Variants in VCAN observed in about 807,000 individuals in gnomAD.
VCAN encodes versican, also known as versican core protein.
VCAN carries 44 observed loss-of-function variants against 245.5 expected under a neutral mutation model. The ratio of observed to expected loss-of-function variants is 0.18; its 90% CI spans 0.14 to 0.23. VCAN has a LOEUF of 0.23. Among genes scored for constraint, VCAN ranks in the 10% least tolerant of loss-of-function variants. The probability of loss-of-function intolerance (pLI) is 1.00; values close to 1 mark genes in which losing one functional copy is unlikely to be tolerated. For synonymous variants in VCAN, 1,413 were observed against 1,437.0 expected, an observed-to-expected ratio of 0.98 and a Z score of 0.38; for missense variants, 3,793 against 4,057.9, an observed-to-expected ratio of 0.93 and a Z score of 1.77.
intron 1 of VCAN, among the ~76,000 whole-genome samples, chr5:83,483,074 T>C (rs1744665791): frequency 6.6e-6 from 1 of 152,242 alleles, no homozygotes; most frequent in Admixed American, 6.5e-5. Context: ...TCTTTCTCTA[T>C]TGCTCCCCAT....
intron 7 of VCAN, among the ~76,000 whole-genome samples, chr5:83,522,948 T>G (rs1746163322): frequency 6.6e-6 from 1 of 152,224 alleles, no homozygotes; most frequent in Non-Finnish European, 1.5e-5. Flanking sequence ...GTAGGGAGTA[T>G]TACAGTTTAT....
At chr5:83,491,000 G>A (rs762984272) in intron 3 of VCAN, among the ~76,000 whole-genome samples, 8 of 151,796 alleles carry the variant, frequency 5.3e-5, no homozygotes, top group Admixed American at 5.3e-4. Flanking sequence ...TAAAAACCAT[G>A]GTACATATCA....
intron 5 of VCAN, among the ~76,000 whole-genome samples, chr5:83,500,900 T>C (rs949535505): frequency 3.9e-5 from 6 of 152,204 alleles, no homozygotes; most frequent in African/African-American, 1.4e-4. Flanking sequence ...TGTTTTTCAA[T>C]GTGGCTGTAC....
chr5:83,503,004 C>T (rs973089382), intron 5 of VCAN, among the ~76,000 whole-genome samples: 3 of 152,046 alleles, frequency 2.0e-5, no homozygotes, highest in Non-Finnish European at 4.4e-5. Flanking sequence ...GAAGATTGGC[C>T]TTTGTGCAGG....
chr5:83,476,782 A>G (rs1744408965), intron 1 of VCAN, among the ~76,000 whole-genome samples: 1 of 152,106 alleles, frequency 6.6e-6, no homozygotes, highest in African/African-American at 2.4e-5. Flanking sequence ...AGAGGTCAGT[A>G]CAGAGAATCT....
chr5:83,551,576 G>A (rs1162856055), intron 10 of VCAN, among the ~76,000 whole-genome samples: 2 of 152,014 alleles, frequency 1.3e-5, no homozygotes, highest in Non-Finnish European at 2.9e-5. Context: ...TGGGTTAATA[G>A]CAGATAAAAA....
chr5:83,518,646 A>G (rs575835128), intron 6 of VCAN, among the ~76,000 whole-genome samples: 44 of 152,130 alleles, frequency 2.9e-4, no homozygotes, highest in Admixed American at 3.9e-4. Context: ...GGCACATTTT[A>G]TAATTTATTA....
At chr5:83,511,164 C>T (rs1335030487) in intron 5 of VCAN, among the ~76,000 whole-genome samples, 1 of 148,896 alleles carries the variant, frequency 6.7e-6, no homozygotes, top group Non-Finnish European at 1.5e-5. Flanking sequence ...TTTTTCGAGA[C>T]GGAGTCTCGC....
At position 83,532,309 on chromosome 5, in the gene VCAN, G is replaced by A. The variant is rs890958497; in HGVS notation, c.4004-4698G>A. Among the ~76,000 whole-genome samples, 8 of 152,082 alleles carry A rather than the reference G, an allele frequency of 5.3e-5. No individual in the cohort carries two copies. In the East Asian group the frequency reaches 1.5e-3, roughly 29 times the overall value. The stretch of plus-strand genomic sequence containing the variant: ...TCAGAGGAAGAATAAACTAAGAGGG[G>A]GCAAGTAGGATTTGGTGAGATGCAA... On this transcript the variant is annotated intron_variant, in intron 7 of 14. Transcript: ENST00000265077.
intron 1 of VCAN, among the ~76,000 whole-genome samples, chr5:83,476,176 C>G (rs989764342): frequency 6.6e-6 from 1 of 152,206 alleles, no homozygotes; most frequent in African/African-American, 2.4e-5. Flanking sequence ...TGATTGGTCA[C>G]TTAATTGAGT....
At chr5:83,566,568 C>T (rs1388515189) in intron 12 of VCAN, among the ~76,000 whole-genome samples, 2 of 152,084 alleles carry the variant, frequency 1.3e-5, no homozygotes, top group Non-Finnish European at 2.9e-5. Context: ...GAGACCTCTC[C>T]CCACCCACCA....
chr5:83,522,411 A>G, intron 7 of VCAN, 102 bp downstream of exon 7: 1 of 1,239,454 alleles, frequency 8.1e-7, no homozygotes, highest in South Asian at 1.3e-5. Flanking sequence ...CTGCTATTAG[A>G]AGATAACTGG....
At chr5:83,509,190 CAAAT>C (rs1471504533) in intron 5 of VCAN, among the ~76,000 whole-genome samples, 1 of 152,070 alleles carries the variant, frequency 6.6e-6, no homozygotes. Context: ...GGGTATCAAA[CAAAT>C]AAATGAATAT....
chr5:83,521,918 A>G lies in VCAN; in HGVS notation c.3612A>G (p.Pro1204=), dbSNP rs1746120596. The change falls in exon 7 of 15, where the codon CCA becomes CCG. Residue 1204 remains proline (P), a synonymous_variant. Transcript: ENST00000265077. ...TTTCAACAATCAAAGTCACAGTTCC[A>G]AGTGATATTACCACTGCCTTCAGTT... is the stretch of plus-strand genomic sequence containing the variant. ...IEFSTIKVTV[P]SDITTAFSSV... The G allele has an allele frequency of 1.2e-6, 2 of 1,614,096 alleles. No homozygotes were observed. The highest frequency in any genetic ancestry group is 2.7e-5 in the African/African-American group (2 of 74,938).
intron 7 of VCAN, among the ~76,000 whole-genome samples, chr5:83,527,909 C>T (rs536996501): frequency 9.8e-5 from 15 of 152,346 alleles, no homozygotes; most frequent in South Asian, 4.1e-4. Flanking sequence ...AAAGCTACCA[C>T]TGAGGTAGAG....
intron 7 of VCAN, among the ~76,000 whole-genome samples, chr5:83,524,850 T>A (rs1561247515): frequency 6.6e-6 from 1 of 152,096 alleles, no homozygotes; most frequent in Admixed American, 6.6e-5. Context: ...AGAACCAACC[T>A]TTTTATGTAT....
At chr5:83,479,377 T>A (rs1744534081) in intron 1 of VCAN, among the ~76,000 whole-genome samples, 1 of 152,148 alleles carries the variant, frequency 6.6e-6, no homozygotes, top group South Asian at 2.1e-4. Context: ...GTGTGTCCCT[T>A]ATCCTCCCTG....
intron 11 of VCAN, among the ~76,000 whole-genome samples, 157 bp from the exon 12 acceptor site, chr5:83,554,799 C>G (rs1257108244): frequency 6.6e-6 from 1 of 152,006 alleles, no homozygotes; most frequent in African/African-American, 2.4e-5. Context: ...GGCAGAAGAA[C>G]AAAAGGTAGA....
At chr5:83,475,230 C>A (rs1744345523) in intron 1 of VCAN, among the ~76,000 whole-genome samples, 1 of 152,114 alleles carries the variant, frequency 6.6e-6, no homozygotes, top group African/African-American at 2.4e-5. Context: ...AAGCTCAGCA[C>A]CTATTTAGGG....
Sources: allele counts gnomAD v4.1 joint callset (sites outside exome capture counted in the v4.1 genomes callset), GRCh38; gene constraint gnomAD v4.1.1; transcripts MANE v1.5; gene names NCBI Gene and HGNC (gene_info 2026-07-23, HGNC 2026-07-21).